The following ELAC1 variants were observed in gnomAD, a reference collection of about 807,000 sequenced individuals.
The protein encoded by ELAC1 is elaC ribonuclease Z 1.
Under a neutral mutation model 25.8 loss-of-function variants are expected in ELAC1, and 19 were observed. The observed-to-expected ratio is 0.74, with a 90% confidence interval of 0.51 to 1.08. ELAC1 has a LOEUF of 1.08. Ranked by LOEUF, ELAC1 falls within the 50% of genes least tolerant of loss-of-function variation. ELAC1 has a pLI of 0.00. For synonymous variants in ELAC1, 148 were observed against 160.9 expected (o/e 0.92, Z 0.61); for missense variants, 403 against 434.6 (o/e 0.93, Z 0.65).
intron 2 of ELAC1, among the ~76,000 whole-genome samples, 193 bp from the exon 3 acceptor site, chr18:50,983,903 G>A (rs1390476971): frequency 2.0e-5 from 3 of 151,816 alleles, no homozygotes; most frequent in Non-Finnish European, 4.4e-5. Flanking sequence ...ACCACCTGGT[G>A]AAATAAAGCC....
chr18:50,986,449 C>A (rs1908110436), intron 3 of ELAC1, among the ~76,000 whole-genome samples, 170 bp from the exon 4 acceptor site: 1 of 152,146 alleles, frequency 6.6e-6, no homozygotes, highest in African/African-American at 2.4e-5. Context: ...TAATATCAAT[C>A]AACACTGAAA....
chr18:50,968,261 T>G (rs1315787667), intron 1 of ELAC1, 147 bp downstream of exon 1: 1 of 151,418 alleles, frequency 6.6e-6, no homozygotes, highest in Non-Finnish European at 1.5e-5. Context: ...CGGGCCGGAG[T>G]CTCGGCGGGC....
intron 3 of ELAC1, chr18:50,984,818 G>A: frequency 1.9e-6 from 1 of 531,192 alleles, no homozygotes; most frequent in South Asian, 3.1e-5. Flanking sequence ...TGTAGTCCCA[G>A]CTACTTGGGG....
At chr18:50,973,738 CAG>C (rs1230262479) in intron 1 of ELAC1, among the ~76,000 whole-genome samples, 22 of 152,110 alleles carry the variant, frequency 1.4e-4, no homozygotes, top group African/African-American at 5.1e-4. Flanking sequence ...GTAGAAAGTA[CAG>C]AGTGTTCCCA....
intron 2 of ELAC1, among the ~76,000 whole-genome samples, chr18:50,977,653 T>G (rs1009602902): frequency 5.9e-5 from 9 of 152,226 alleles, no homozygotes; most frequent in African/African-American, 1.9e-4. Flanking sequence ...ATTGTCTTGG[T>G]GATTAACATT....
intron 3 of ELAC1, 29 bp from the exon 4 acceptor site, chr18:50,986,590 G>C: frequency 6.6e-7 from 1 of 1,518,902 alleles, no homozygotes; most frequent in South Asian, 1.2e-5. Flanking sequence ...CCATTCCTAT[G>C]ATGTAATGTT....
intron 2 of ELAC1, among the ~76,000 whole-genome samples, chr18:50,976,099 T>C (rs1225974875): frequency 6.6e-6 from 1 of 152,204 alleles, no homozygotes; most frequent in Non-Finnish European, 1.5e-5. Context: ...TGTGAAGTCC[T>C]CTGTAGCATA....
chr18:50,977,603 G>T (rs1056544016), intron 2 of ELAC1, among the ~76,000 whole-genome samples: 53 of 152,308 alleles, frequency 3.5e-4, no homozygotes, highest in African/African-American at 1.1e-3. Context: ...GGGAGGGGCT[G>T]CTGTGAAGAC....
rs1026739352 is a variant in ELAC1 at position 50,984,307 on chromosome 18, G to T, written c.369G>T (p.Leu123=). 4 of 1,614,056 alleles carry T rather than the reference G, an allele frequency of 2.5e-6. No individual in the cohort carries two copies. The African/African-American group carries it at 5.3e-5, about 22-fold the overall frequency. Residue 123 remains leucine, a synonymous_variant, in exon 3 of 4, where the codon CTG becomes CTT. Transcript: ENST00000269466. ...TCTTCCATTATGTGGTTCATGAACT[G>T]GTTCCTACAGCAGATCAATGTCCTG... ...ELVFHYVVHE[L]VPTADQCPAE... is the part of the protein sequence containing the mutation.
chr18:50,984,626 A>G, intron 3 of ELAC1, 63 bp downstream of exon 3: 1 of 1,203,300 alleles, frequency 8.3e-7, no homozygotes, highest in South Asian at 1.4e-5. Context: ...CTGTTGACTG[A>G]AGCTATAAGA....
rs748285842 is a variant in ELAC1 at position 50,974,395 on chromosome 18, A to G, written c.-8-2A>G. 2.0e-6 allele frequency: 3 copies of G among 1,514,612 alleles called. No individual in the cohort carries two copies. Among genetic ancestry groups the G allele is most frequent in the Non-Finnish European group, 2.6e-6 (3 of 1,133,748 alleles). 93.8% of individuals were successfully genotyped at this position (1,514,612 alleles called of 1,614,324 possible). ...AATCCCCAGATGATCTTTCTGTTGCAGGGTGGAAGATGTCTATGGATGTGA... is the reference window on the plus strand; with the variant it reads ...AATCCCCAGATGATCTTTCTGTTGCGGGGTGGAAGATGTCTATGGATGTGA... On this transcript the variant is annotated splice_acceptor_variant, in intron 1 of 3. Coordinates refer to ENST00000269466, the MANE Select transcript of ELAC1 (RefSeq NM_018696.3). LOFTEE classifies it low-confidence loss of function (5UTR_SPLICE).
chr18:50,981,888 C>G (rs1285329722), intron 2 of ELAC1, among the ~76,000 whole-genome samples: 1 of 149,634 alleles, frequency 6.7e-6, no homozygotes, highest in African/African-American at 2.5e-5. Context: ...CTCTTGTTGC[C>G]CAGGCTGGAG....
In ELAC1 at chr18:50,984,301, T is replaced by C. The variant is rs148358966; in HGVS notation, c.363T>C (p.His121=). 8.1e-6 allele frequency: 13 copies of C among 1,614,072 alleles called. No homozygotes were observed. In the African/African-American group the frequency reaches 1.3e-4, roughly 17 times the overall value. ...HTELVFHYVV[H]ELVPTADQCP... is the part of the protein sequence containing the mutation. ...AGCTGGTCTTCCATTATGTGGTTCA[T>C]GAACTGGTTCCTACAGCAGATCAAT... The change falls in exon 3 of 4, where the codon CAT becomes CAC. Residue 121 remains histidine, a synonymous_variant. Transcript: ENST00000269466.
chr18:50,976,255 C>T (rs904193970), intron 2 of ELAC1, among the ~76,000 whole-genome samples: 41 of 152,062 alleles, frequency 2.7e-4, no homozygotes, highest in African/African-American at 9.9e-4. Flanking sequence ...TCAGGGAGAC[C>T]AGTTCCAAGG....
intron 1 of ELAC1, among the ~76,000 whole-genome samples, chr18:50,972,459 A>G (rs543248885): frequency 2.0e-5 from 3 of 151,786 alleles, no homozygotes; most frequent in South Asian, 2.1e-4. Context: ...TTTTGTGCCA[A>G]TATTATTGTT....
intron 3 of ELAC1, 112 bp downstream of exon 3, chr18:50,984,675 T>A: frequency 1.2e-6 from 1 of 805,322 alleles, no homozygotes; most frequent in Non-Finnish European, 1.9e-6. Flanking sequence ...CTCACGCCTG[T>A]AATCCTAGCA....
Position 50,974,030 on chromosome 18 carries a change from C to T in ELAC1, c.-8-367C>T, listed in dbSNP as rs560277576. Among the ~76,000 whole-genome samples, 13 of 152,308 alleles carry T rather than the reference C, an allele frequency of 8.5e-5. No homozygotes were observed. In the South Asian group the frequency reaches 2.7e-3, roughly 32 times the overall value. The stretch of plus-strand genomic sequence containing the variant: ...AGAATCGTTTCACTGCCTTAAACAT[C>T]CCCTGTGCTCTGCCTGTTCATTCTT... On this transcript the variant is annotated intron_variant, in intron 1 of 3. Coordinates refer to ENST00000269466, the MANE Select transcript of ELAC1 (RefSeq NM_018696.3).
chr18:50,970,521 C>T (rs961168652), intron 1 of ELAC1, among the ~76,000 whole-genome samples: 1 of 151,846 alleles, frequency 6.6e-6, no homozygotes, highest in Non-Finnish European at 1.5e-5. Flanking sequence ...TGTAGAGTAA[C>T]ACATGAAAGG....
intron 1 of ELAC1, among the ~76,000 whole-genome samples, chr18:50,971,480 C>G (rs1460686265): frequency 2.0e-5 from 3 of 152,144 alleles, no homozygotes; most frequent in African/African-American, 7.2e-5. Flanking sequence ...CTTAACCTTC[C>G]AGGTTCCAAT....
Sources: gnomAD v4.1 joint callset for allele counts (sites outside exome capture counted in the v4.1 genomes callset) on GRCh38, gnomAD v4.1.1 for gene constraint, MANE v1.5 for transcripts, NCBI Gene and HGNC (gene_info 2026-07-23, HGNC 2026-07-21) for gene names.